Variants in NDFIP2 observed in about 807,000 individuals in gnomAD.
The protein encoded by NDFIP2 is Nedd4 family interacting protein 2, also known as NEDD4 family-interacting protein 2.
A neutral mutation model predicts 36.0 loss-of-function variants in NDFIP2; 19 were observed. That is an observed-to-expected ratio of 0.53 (90% CI 0.37 to 0.77). The LOEUF (loss-of-function observed/expected upper bound fraction) is 0.77. Among genes scored for constraint, NDFIP2 ranks in the 30% least tolerant of loss-of-function variants. The pLI is 0.00. For missense variants in NDFIP2, 446 were observed against 435.8 expected, an observed-to-expected ratio of 1.02 and a Z score of -0.21; for synonymous variants, 181 against 167.7, an observed-to-expected ratio of 1.08 and a Z score of -0.61.
At chr13:79,524,211 A>G (rs549535615) in intron 2 of NDFIP2, among the ~76,000 whole-genome samples, 2 of 152,070 alleles carry the variant, frequency 1.3e-5, no homozygotes, top group African/African-American at 2.4e-5. Context: ...ATGCCCTTCT[A>G]CTTCTTCATC....
intron 1 of NDFIP2, among the ~76,000 whole-genome samples, chr13:79,504,036 A>G (rs1364425698): frequency 2.0e-5 from 3 of 152,176 alleles, no homozygotes; most frequent in Non-Finnish European, 4.4e-5. Flanking sequence ...GTTCAGTTAA[A>G]TGTGGAGAGA....
intron 2 of NDFIP2, among the ~76,000 whole-genome samples, chr13:79,522,013 AG>A (rs1874604878): frequency 2.0e-5 from 3 of 151,850 alleles, no homozygotes; most frequent in Admixed American, 1.3e-4. Context: ...TATTCTTAGT[AG>A]AGACAGGGTT....
intron 1 of NDFIP2, among the ~76,000 whole-genome samples, chr13:79,505,421 G>A (rs1246502932): frequency 6.6e-6 from 1 of 152,064 alleles, no homozygotes; most frequent in African/African-American, 2.4e-5. Context: ...CTTGAGCCCA[G>A]GAGTTCAAGG....
Position 79,548,093 on chromosome 13 carries a change from T to C in NDFIP2, c.841-235T>C, listed in dbSNP as rs550237384. Among the ~76,000 whole-genome samples the C allele has an allele frequency of 2.0e-5, 3 of 152,190 alleles. No homozygotes were observed. In the East Asian group the frequency reaches 5.8e-4, roughly 29 times the overall value. ...TTTCTTGCGGGGAGTTTGAAACTGG[T>C]TTTTGTTTCTAAAAATACTCCAATT... On this transcript the variant is annotated intron_variant, in intron 5 of 7. Transcript: ENST00000218652.
intron 1 of NDFIP2, among the ~76,000 whole-genome samples, chr13:79,516,129 T>G (rs1201758035): frequency 3.9e-5 from 6 of 152,172 alleles, no homozygotes; most frequent in Admixed American, 3.9e-4. Context: ...AAAACAGGTG[T>G]ATGCTCACTC....
intron 1 of NDFIP2, among the ~76,000 whole-genome samples, chr13:79,484,511 GA>G (rs753395230): frequency 6.6e-6 from 1 of 152,188 alleles, no homozygotes; most frequent in Non-Finnish European, 1.5e-5. Flanking sequence ...TTAAAACCAT[GA>G]AAAATTCTGC....
chr13:79,506,474 A>G (rs1435541260), intron 1 of NDFIP2, among the ~76,000 whole-genome samples: 1 of 152,102 alleles, frequency 6.6e-6, no homozygotes. Flanking sequence ...TTGGACAAGT[A>G]GTTGTTTTTT....
rs1566655451 is a variant in NDFIP2, at chr13:79,497,793, G to GTGTGTGTGT, written c.321+16269_321+16270insTGTGTGTGT. Among the ~76,000 whole-genome samples the GTGTGTGTGT allele has an allele frequency of 1.6e-3, 147 of 92,900 alleles. 1 individual carries two copies. Among genetic ancestry groups the GTGTGTGTGT allele is most frequent in the East Asian group, 0.015 (52 of 3,464 alleles). 60.9% of individuals were successfully genotyped at this position (92,900 alleles called of 152,430 possible). On this transcript the variant is annotated intron_variant, in intron 1 of 7. Transcript: ENST00000218652. ...GCCCATTTAAATCCTTTATCTGTGG[G>GTGTGTGTGT]GGGTGTGTGTGTGTGTGTGTGTGTG...
chr13:79,550,857 TTTATCC>T (rs1270454485), intron 6 of NDFIP2, among the ~76,000 whole-genome samples, 154 bp from the exon 7 acceptor site: 30 of 151,690 alleles, frequency 2.0e-4, no homozygotes, highest in African/African-American at 7.2e-4. Context: ...TGTGACAGAG[TTTATCC>T]TTATAGTGTA....
At chr13:79,490,432 A>G (rs1449681793) in intron 1 of NDFIP2, among the ~76,000 whole-genome samples, 1 of 152,090 alleles carries the variant, frequency 6.6e-6, no homozygotes, top group Non-Finnish European at 1.5e-5. Flanking sequence ...AGCCTATGTT[A>G]CTTGGGGTGG....
At chr13:79,544,782 T>A (rs1006536410) in intron 5 of NDFIP2, among the ~76,000 whole-genome samples, 2 of 152,126 alleles carry the variant, frequency 1.3e-5, no homozygotes, top group Non-Finnish European at 2.9e-5. Context: ...AAAATATTAA[T>A]GTTTATGGAT....
In NDFIP2 at chr13:79,520,892, C is replaced by T; in HGVS notation, c.404C>T (p.Ala135Val). ...AACCCAGCACCGCAGATTGTGCAGG[C>T]TGCGTCTTCAGCACCAGCACTTGAA... ...TSNPAPQIVQAASSAPALETD... is the reference protein window; with the variant it reads ...TSNPAPQIVQVASSAPALETD... Residue 135 changes from alanine to valine, a missense_variant, in exon 2 of 8, where the codon GCT becomes GTT. Ala to Val is a moderately conservative substitution (Grantham distance 64). Transcript: ENST00000218652. The T allele has an allele frequency of 1.9e-6, 3 of 1,613,898 alleles. No homozygotes were observed. Among genetic ancestry groups the T allele is most frequent in the Non-Finnish European group, 2.5e-6 (3 of 1,179,812 alleles).
At chr13:79,495,993 G>T (rs1473543095) in intron 1 of NDFIP2, among the ~76,000 whole-genome samples, 1 of 151,768 alleles carries the variant, frequency 6.6e-6, no homozygotes, top group Non-Finnish European at 1.5e-5. Flanking sequence ...TCTAATTTCA[G>T]TGTGATAGTT....
At chr13:79,540,382 C>T (rs555615848) in intron 4 of NDFIP2, among the ~76,000 whole-genome samples, 2 of 152,204 alleles carry the variant, frequency 1.3e-5, no homozygotes, top group East Asian at 3.9e-4. Flanking sequence ...TTCATTATTT[C>T]AATTCATAAT....
intron 1 of NDFIP2, among the ~76,000 whole-genome samples, chr13:79,499,413 T>C (rs185766796): frequency 1.3e-5 from 2 of 151,892 alleles, no homozygotes; most frequent in African/African-American, 2.4e-5. Context: ...AAGTTATAGA[T>C]TGGGAAGGAA....
chr13:79,523,274 G>A (rs1874656481), intron 2 of NDFIP2, among the ~76,000 whole-genome samples: 1 of 152,162 alleles, frequency 6.6e-6, no homozygotes, highest in Admixed American at 6.5e-5. Context: ...AGGCTGGAGT[G>A]CAATGGCGTG....
intron 5 of NDFIP2, among the ~76,000 whole-genome samples, chr13:79,545,564 A>G (rs988006867): frequency 1.3e-5 from 2 of 152,238 alleles, no homozygotes; most frequent in African/African-American, 4.8e-5. Flanking sequence ...AATCTTTTGT[A>G]TAAAATAACA....
chr13:79,486,289 A>C (rs1263561413), intron 1 of NDFIP2, among the ~76,000 whole-genome samples: 1 of 152,228 alleles, frequency 6.6e-6, no homozygotes, highest in South Asian at 2.1e-4. Context: ...CCAACATTTA[A>C]TAACATTTAA....
At chr13:79,527,019 G>T (rs974530216) in intron 2 of NDFIP2, among the ~76,000 whole-genome samples, 2 of 152,134 alleles carry the variant, frequency 1.3e-5, no homozygotes, top group Admixed American at 6.6e-5. Context: ...TATAATTGCG[G>T]TGTCCTGTGA....
Sources: gnomAD v4.1 joint callset for allele counts (sites outside exome capture counted in the v4.1 genomes callset) on GRCh38, gnomAD v4.1.1 for gene constraint, MANE v1.5 for transcripts, NCBI Gene and HGNC (gene_info 2026-07-23, HGNC 2026-07-21) for gene names.